Variants in PCDH9 observed in about 807,000 individuals in gnomAD.
PCDH9 encodes protocadherin-9.
A neutral mutation model predicts 70.6 loss-of-function variants in PCDH9; 24 were observed. The ratio of observed to expected loss-of-function variants is 0.34; its 90% CI spans 0.25 to 0.48. PCDH9 has a LOEUF of 0.48. Among genes scored for constraint, PCDH9 ranks in the 20% least tolerant of loss-of-function variants. PCDH9 has a pLI of 0.99. For missense variants in PCDH9, 1,281 were observed against 1,503.6 expected, an observed-to-expected ratio of 0.85 and a Z score of 2.45; for synonymous variants, 562 against 558.5, an observed-to-expected ratio of 1.01 and a Z score of -0.09.
In PCDH9 at chr13:66,341,670, G is replaced by A. The variant is rs1236127697; in HGVS notation, c.3341-36642C>T. Among the ~76,000 whole-genome samples, 8 of 152,120 alleles carry A rather than the reference G, an allele frequency of 5.3e-5. 1 individual carries two copies. Among genetic ancestry groups the A allele is most frequent in the Admixed American group, 1.3e-4 (2 of 15,268 alleles). On this transcript the variant is annotated intron_variant, in intron 4 of 4. Transcript: ENST00000377865. ...CAAGTGACCCAGAGACAAAACAAACGTCTTATATCTAGGTGTATTCTGGGG... is the reference window on the plus strand; with the variant it reads ...CAAGTGACCCAGAGACAAAACAAACATCTTATATCTAGGTGTATTCTGGGG...
chr13:67,101,063 T>C (rs931251040), intron 2 of PCDH9, among the ~76,000 whole-genome samples: 12 of 152,180 alleles, frequency 7.9e-5, no homozygotes, highest in Non-Finnish European at 4.4e-5. Flanking sequence ...GCAGAATCAT[T>C]GATAGCAAGA....
At chr13:66,791,184 A>T (rs573666757) in intron 3 of PCDH9, among the ~76,000 whole-genome samples, 2 of 152,252 alleles carry the variant, frequency 1.3e-5, no homozygotes, top group East Asian at 3.9e-4. Flanking sequence ...GCACATAAAC[A>T]CATGGAGAAA....
chr13:66,878,281 T>A (rs556553357), intron 3 of PCDH9, among the ~76,000 whole-genome samples: 1 of 152,026 alleles, frequency 6.6e-6, no homozygotes, highest in Non-Finnish European at 1.5e-5. Context: ...GGCTGGAGTG[T>A]AGGGGCATGA....
chr13:66,814,287 G>A (rs1037912368), intron 3 of PCDH9, among the ~76,000 whole-genome samples: 11 of 152,090 alleles, frequency 7.2e-5, no homozygotes, highest in African/African-American at 2.7e-4. Context: ...GGAAATTTAA[G>A]CTCCAGCAAC....
chr13:66,488,785 G>A (rs766340677), intron 4 of PCDH9, among the ~76,000 whole-genome samples: 3 of 152,130 alleles, frequency 2.0e-5, no homozygotes, highest in African/African-American at 4.8e-5. Context: ...TTTAATAAAA[G>A]TTGCTGGCAT....
At chr13:66,963,066 A>G (rs2083374213) in intron 2 of PCDH9, among the ~76,000 whole-genome samples, 1 of 152,134 alleles carries the variant, frequency 6.6e-6, no homozygotes, top group Non-Finnish European at 1.5e-5. Context: ...GAACCCTCGC[A>G]TGCTCAGTTC....
intron 4 of PCDH9, among the ~76,000 whole-genome samples, chr13:66,537,688 C>G (rs1021551762): frequency 1.4e-4 from 21 of 152,168 alleles, no homozygotes; most frequent in African/African-American, 4.8e-4. Context: ...TTAGTGTTTA[C>G]TCTGTAAAGA....
chr13:66,605,891 G>A (rs1287750789), intron 4 of PCDH9, among the ~76,000 whole-genome samples: 1 of 151,860 alleles, frequency 6.6e-6, no homozygotes, highest in African/African-American at 2.4e-5. Context: ...AACACTGGCC[G>A]AGTTTACTTT....
At chr13:67,079,244 T>C (rs2085937665) in intron 2 of PCDH9, among the ~76,000 whole-genome samples, 1 of 152,002 alleles carries the variant, frequency 6.6e-6, no homozygotes, top group Non-Finnish European at 1.5e-5. Flanking sequence ...CAGGATACAT[T>C]TCAGCACATA....
At chr13:67,124,992 T>A (rs1326024047) in intron 2 of PCDH9, among the ~76,000 whole-genome samples, 1 of 152,142 alleles carries the variant, frequency 6.6e-6, no homozygotes, top group Admixed American at 6.5e-5. Flanking sequence ...ACCCAGGTTG[T>A]GCATAAGGAG....
At chr13:67,175,451 C>A (rs1207350059) in intron 2 of PCDH9, among the ~76,000 whole-genome samples, 1 of 152,158 alleles carries the variant, frequency 6.6e-6, no homozygotes, top group Non-Finnish European at 1.5e-5. Flanking sequence ...GGGCCTGGAA[C>A]AAACAGGGGC....
chr13:66,482,518 T>C (rs927018157), intron 4 of PCDH9, among the ~76,000 whole-genome samples: 4 of 152,144 alleles, frequency 2.6e-5, no homozygotes, highest in African/African-American at 7.2e-5. Context: ...AAAAATAGAA[T>C]CAAATTGTCA....
At chr13:66,739,986 C>T (rs1307065363) in intron 3 of PCDH9, among the ~76,000 whole-genome samples, 10 of 150,346 alleles carry the variant, frequency 6.7e-5, no homozygotes, top group South Asian at 4.3e-4. Context: ...CTGCACCAAG[C>T]GGACCTAATA....
rs376772054 is a variant in PCDH9 at position 66,491,835 on chromosome 13, C to A, written c.3340+139375G>T. On this transcript the variant is annotated intron_variant, in intron 4 of 4. Coordinates refer to ENST00000377865, the MANE Select transcript of PCDH9 (RefSeq NM_203487.3). ...TTCCTCTTTCCTTTAGACATATGTT[C>A]TATTAGTCACACCTAGTGCAGGTAC... 3.3e-5 allele frequency among the ~76,000 whole-genome samples: 5 copies of A among 152,174 alleles called. No individual in the cohort carries two copies. The South Asian group carries it at 6.2e-4, about 19-fold the overall frequency.
chr13:67,189,955 A>G (rs2088865227), intron 2 of PCDH9, among the ~76,000 whole-genome samples: 1 of 152,096 alleles, frequency 6.6e-6, no homozygotes, highest in Non-Finnish European at 1.5e-5. Flanking sequence ...CAAATTCTTG[A>G]TAGAGTTATT....
chr13:66,310,638 G>C (rs1486267630), intron 4 of PCDH9, among the ~76,000 whole-genome samples: 1 of 151,846 alleles, frequency 6.6e-6, no homozygotes, highest in Non-Finnish European at 1.5e-5. Flanking sequence ...TACATTTCTG[G>C]TTAGTTTTCA....
chr13:66,465,552 T>G (rs1414381385), intron 4 of PCDH9, among the ~76,000 whole-genome samples: 1 of 151,898 alleles, frequency 6.6e-6, no homozygotes, highest in Non-Finnish European at 1.5e-5. Flanking sequence ...CCGTCTAGTT[T>G]TATTCACATC....
At chr13:66,372,993 A>G (rs938957130) in intron 4 of PCDH9, among the ~76,000 whole-genome samples, 1 of 151,970 alleles carries the variant, frequency 6.6e-6, no homozygotes, top group Non-Finnish European at 1.5e-5. Context: ...ACATATCCAA[A>G]AGAATTAAAA....
intron 4 of PCDH9, among the ~76,000 whole-genome samples, chr13:66,430,317 A>C (rs2138373454): frequency 1.3e-5 from 2 of 152,204 alleles, no homozygotes; most frequent in Middle Eastern, 3.4e-3. Flanking sequence ...TATCAAGGGC[A>C]CATTTTCCAC....
Sources: allele counts gnomAD v4.1 joint callset (sites outside exome capture counted in the v4.1 genomes callset), GRCh38; gene constraint gnomAD v4.1.1; transcripts MANE v1.5; gene names NCBI Gene and HGNC (gene_info 2026-07-23, HGNC 2026-07-21).